The following AKR1C8 variants were observed in gnomAD, a reference collection of about 807,000 sequenced individuals.
The protein encoded by AKR1C8 is aldo-keto reductase family 1 member C-like protein 1.
chr10:5,143,749 C>G, the AKR1C8 span, among the ~76,000 whole-genome samples: 1 of 146,116 alleles, frequency 6.8e-6, no homozygotes, highest in Non-Finnish European at 1.5e-5. Flanking sequence ...ATATTTATAT[C>G]TATATATATT....
At chr10:5,128,692 GAA>G in the AKR1C8 span, among the ~76,000 whole-genome samples, 1 of 151,688 alleles carries the variant, frequency 6.6e-6, no homozygotes, top group Non-Finnish European at 1.5e-5. Context: ...AAAAGACAAA[GAA>G]AATAATTATA....
chr10:5,141,703 A>G, the AKR1C8 span, among the ~76,000 whole-genome samples: 3 of 152,178 alleles, frequency 2.0e-5, no homozygotes, highest in Non-Finnish European at 2.9e-5. Context: ...GCCATTCAAC[A>G]GTAATATTTT....
At chr10:5,148,756 G>T in the AKR1C8 span, among the ~76,000 whole-genome samples, 1 of 152,134 alleles carries the variant, frequency 6.6e-6, no homozygotes, top group African/African-American at 2.4e-5. Flanking sequence ...AAGGAAGGCA[G>T]CTTTTGGATG....
chr10:5,170,163 G>C, the AKR1C8 span, among the ~76,000 whole-genome samples: 1 of 152,092 alleles, frequency 6.6e-6, no homozygotes, highest in Non-Finnish European at 1.5e-5. Context: ...CAGAGGCAGT[G>C]CCTGCTGAAA....
At chr10:5,125,220 G>C in the AKR1C8 span, among the ~76,000 whole-genome samples, 5 of 151,784 alleles carry the variant, frequency 3.3e-5, no homozygotes, top group Non-Finnish European at 7.4e-5. Context: ...GCTGTTTATG[G>C]TTAAAAATAA....
the AKR1C8 span, among the ~76,000 whole-genome samples, chr10:5,120,252 G>A: frequency 6.6e-6 from 1 of 152,096 alleles, no homozygotes. Context: ...CTTATCACTG[G>A]CTTACTGTCG....
the AKR1C8 span, among the ~76,000 whole-genome samples, chr10:5,138,628 G>C: frequency 6.6e-6 from 1 of 152,106 alleles, no homozygotes; most frequent in African/African-American, 2.4e-5. Context: ...TTAAAGTAAA[G>C]ACAGGCATAA....
At chr10:5,123,756 A>G in the AKR1C8 span, 3 of 1,613,542 alleles carry the variant, frequency 1.9e-6, no homozygotes, top group South Asian at 1.1e-5. Flanking sequence ...GGCAACCAGA[A>G]CAATGTCTTT....
the AKR1C8 span, among the ~76,000 whole-genome samples, chr10:5,148,456 T>C: frequency 1.3e-5 from 2 of 152,060 alleles, no homozygotes; most frequent in African/African-American, 4.8e-5. Context: ...AAAATGCAAG[T>C]CACAGTAAGA....
At chr10:5,182,631 C>T in the AKR1C8 span, among the ~76,000 whole-genome samples, 1 of 151,984 alleles carries the variant, frequency 6.6e-6, no homozygotes, top group African/African-American at 2.4e-5. Flanking sequence ...ATTGTAAGGC[C>T]AGGTGTGGTG....
the AKR1C8 span, among the ~76,000 whole-genome samples, chr10:5,177,656 A>C: frequency 3.3e-5 from 5 of 152,146 alleles, no homozygotes; most frequent in East Asian, 1.9e-4. Context: ...ACAATTTCAG[A>C]ACCTGTTATT....
At chr10:5,135,448 A>C in the AKR1C8 span, among the ~76,000 whole-genome samples, 1 of 152,286 alleles carries the variant, frequency 6.6e-6, no homozygotes, top group Non-Finnish European at 1.5e-5. Context: ...TCTTAAGTAC[A>C]TTTTAATATA....
At chr10:5,136,155 A>C in the AKR1C8 span, among the ~76,000 whole-genome samples, 22 of 152,220 alleles carry the variant, frequency 1.4e-4, no homozygotes, top group Admixed American at 1.2e-3. Context: ...ATCCTGTTAA[A>C]TGTTATTCAT....
chr10:5,127,539 T>G, the AKR1C8 span, among the ~76,000 whole-genome samples: 1 of 151,720 alleles, frequency 6.6e-6, no homozygotes. Flanking sequence ...GCCAACATGG[T>G]GAAACCCAGT....
At chr10:5,138,145 G>A in the AKR1C8 span, among the ~76,000 whole-genome samples, 5 of 152,136 alleles carry the variant, frequency 3.3e-5, no homozygotes, top group East Asian at 3.9e-4. Context: ...GAACTGGTCT[G>A]ACCACAAATT....
the AKR1C8 span, among the ~76,000 whole-genome samples, chr10:5,177,634 T>G: frequency 2.0e-5 from 3 of 152,220 alleles, no homozygotes; most frequent in Admixed American, 1.3e-4. Context: ...TAGTAAGCTA[T>G]TGATTATTGC....
chr10:5,164,121 C>A, the AKR1C8 span, among the ~76,000 whole-genome samples: 5 of 152,068 alleles, frequency 3.3e-5, no homozygotes, highest in Non-Finnish European at 7.4e-5. Flanking sequence ...GGTCCTTGGT[C>A]AAGCTTTTAC....
chr10:5,153,921 CT>C, the AKR1C8 span, among the ~76,000 whole-genome samples: 2 of 152,188 alleles, frequency 1.3e-5, no homozygotes, highest in East Asian at 1.9e-4. Context: ...AATTACAGGT[CT>C]TTTTTTGTAT....
At chr10:5,174,174 T>C in the AKR1C8 span, among the ~76,000 whole-genome samples, 7 of 151,418 alleles carry the variant, frequency 4.6e-5, no homozygotes, top group South Asian at 1.2e-3. Flanking sequence ...AAAAACTCCA[T>C]CCTGAGACCA....
Sources: gnomAD v4.1 joint callset for allele counts (sites outside exome capture counted in the v4.1 genomes callset) on GRCh38, gnomAD v4.1.1 for gene constraint, MANE v1.5 for transcripts, NCBI Gene and HGNC (gene_info 2026-07-23, HGNC 2026-07-21) for gene names.